Variants in TMTC2 observed in about 807,000 individuals in gnomAD.
The protein encoded by TMTC2 is protein O-mannosyl-transferase TMTC2.
In TMTC2, 43 loss-of-function variants were observed where a neutral mutation model predicts 82.4. The observed-to-expected ratio is 0.52, with a 90% CI of 0.41 to 0.67. The LOEUF (loss-of-function observed/expected upper bound fraction) is 0.67. TMTC2 is among the 30% of genes least tolerant of loss of function. TMTC2 has a pLI of 0.00. For missense variants in TMTC2, 919 were observed against 1,012.4 expected (o/e 0.91, Z 1.25); for synonymous variants, 408 against 381.9 (o/e 1.07, Z -0.80).
chr12:83,098,135 T>A (rs1192035949), intron 11 of TMTC2, among the ~76,000 whole-genome samples: 2 of 152,204 alleles, frequency 1.3e-5, no homozygotes, highest in Non-Finnish European at 2.9e-5. Flanking sequence ...TAGCTCATGC[T>A]GCAGAGGGGA....
chr12:82,881,571 C>G (rs1274532389), intron 2 of TMTC2, among the ~76,000 whole-genome samples: 1 of 152,114 alleles, frequency 6.6e-6, no homozygotes, highest in Non-Finnish European at 1.5e-5. Context: ...AGAATAGAAC[C>G]TGAATGAATT....
intron 8 of TMTC2, among the ~76,000 whole-genome samples, chr12:82,999,722 A>G (rs1879831140): frequency 6.6e-6 from 1 of 152,214 alleles, no homozygotes; most frequent in East Asian, 1.9e-4. Context: ...CAGCATGGGA[A>G]AGACCCACCA....
chr12:82,930,275 C>T (rs10506881), intron 3 of TMTC2, among the ~76,000 whole-genome samples, 156 bp from the exon 4 acceptor site: 117,941 of 152,070 alleles, frequency 0.78, 47,542 homozygotes, highest in East Asian at 1. Context: ...ATCTCCTGGC[C>T]TGATGAAATG....
Position 82,762,787 on chromosome 12 carries a change from A to G in TMTC2, c.83+75118A>G, listed in dbSNP as rs185936872. Among the ~76,000 whole-genome samples, 293 of 152,320 alleles carry G rather than the reference A, an allele frequency of 1.9e-3. 3 individuals carry two copies. Among genetic ancestry groups the G allele is most frequent in the African/African-American group, 6.2e-3 (258 of 41,572 alleles). ...GGATATCAATGTACTTTTTCTTATA[A>G]AAACAAATTAATGAATAGGAAAATA... is the stretch of plus-strand genomic sequence containing the variant. On this transcript the variant is annotated intron_variant, in intron 1 of 11. Transcript: ENST00000321196.
chr12:82,885,352 G>A (rs1873037738), intron 2 of TMTC2, among the ~76,000 whole-genome samples: 1 of 149,908 alleles, frequency 6.7e-6, no homozygotes, highest in African/African-American at 2.5e-5. Context: ...TCTTTTTTTA[G>A]TTTTTTTTTC....
At chr12:82,989,200 C>G (rs778696822) in intron 8 of TMTC2, among the ~76,000 whole-genome samples, 7 of 151,558 alleles carry the variant, frequency 4.6e-5, no homozygotes, top group Non-Finnish European at 8.8e-5. Context: ...ATGAAATCAT[C>G]TTATATGCAA....
intron 2 of TMTC2, among the ~76,000 whole-genome samples, chr12:82,881,982 TTTG>T (rs1414076529): frequency 6.6e-6 from 1 of 151,614 alleles, no homozygotes; most frequent in East Asian, 1.9e-4. Context: ...AGACTCAATT[TTTG>T]TTGTTAAGAT....
intron 1 of TMTC2, among the ~76,000 whole-genome samples, chr12:82,745,510 G>T (rs1465357786): frequency 6.6e-6 from 1 of 152,164 alleles, no homozygotes; most frequent in Non-Finnish European, 1.5e-5. Context: ...GTGTTGTGAT[G>T]TATGTTTAAC....
chr12:82,959,990 C>T (rs1242609435), intron 4 of TMTC2, among the ~76,000 whole-genome samples: 1 of 151,202 alleles, frequency 6.6e-6, no homozygotes, highest in East Asian at 1.9e-4. Context: ...AAGACAACAC[C>T]ATTAAAAACA....
rs535838591 is a variant in TMTC2 at position 83,051,195 on chromosome 12, G to A, written c.2267+177G>A. ...ATAGGCTATTCAAGCTTATCCAGCCGGTGGCCCACGGGCCACATGTGATCC... is the reference window on the plus strand; with the variant it reads ...ATAGGCTATTCAAGCTTATCCAGCCAGTGGCCCACGGGCCACATGTGATCC... On this transcript the variant is annotated intron_variant, in intron 10 of 11. Coordinates refer to ENST00000321196, the MANE Select transcript of TMTC2 (RefSeq NM_152588.3). Among the ~76,000 whole-genome samples the A allele has an allele frequency of 9.2e-5, 14 of 152,210 alleles. No homozygotes were observed. In the East Asian group the frequency reaches 1.5e-3, roughly 17 times the overall value.
At chr12:83,042,235 T>C (rs146591426) in intron 9 of TMTC2, among the ~76,000 whole-genome samples, 27 of 152,350 alleles carry the variant, frequency 1.8e-4, no homozygotes, top group African/African-American at 6.5e-4. Context: ...TTCTCATTAC[T>C]GCTCTAACTC....
chr12:82,978,355 A>T (rs1391619863), intron 7 of TMTC2, among the ~76,000 whole-genome samples: 5 of 151,710 alleles, frequency 3.3e-5, no homozygotes, highest in African/African-American at 1.2e-4. Context: ...TCATGTTGTA[A>T]ATGATAAAAC....
chr12:83,114,455 C>T (rs942280521), intron 11 of TMTC2, among the ~76,000 whole-genome samples: 7 of 152,164 alleles, frequency 4.6e-5, no homozygotes, highest in African/African-American at 1.7e-4. Flanking sequence ...AGTTTTGAAT[C>T]TCTGTTACAG....
At chr12:83,096,358 G>C (rs1441807155) in intron 11 of TMTC2, among the ~76,000 whole-genome samples, 1 of 152,134 alleles carries the variant, frequency 6.6e-6, no homozygotes, top group African/African-American at 2.4e-5. Flanking sequence ...TCACATTTCT[G>C]TTTGCTTTAT....
At chr12:82,764,838 T>C (rs1255545471) in intron 1 of TMTC2, among the ~76,000 whole-genome samples, 2 of 260 alleles carry the variant, frequency 7.7e-3, no homozygotes, top group African/African-American at 0.017. Flanking sequence ...TGAATCTGCA[T>C]TTTTTTTTTT....
At chr12:82,748,540 CATA>C (rs1251294702) in intron 1 of TMTC2, among the ~76,000 whole-genome samples, 2 of 152,078 alleles carry the variant, frequency 1.3e-5, no homozygotes, top group South Asian at 4.2e-4. Context: ...ATACCTGTCA[CATA>C]AGAGGTACTC....
chr12:83,062,022 G>A (rs1348675145), intron 11 of TMTC2, among the ~76,000 whole-genome samples, 191 bp downstream of exon 11: 4 of 151,364 alleles, frequency 2.6e-5, no homozygotes, highest in African/African-American at 7.3e-5. Context: ...AAAATCTGCC[G>A]GCCTCAAGCT....
At chr12:83,119,763 G>A (rs1884888877) in intron 11 of TMTC2, among the ~76,000 whole-genome samples, 2 of 152,182 alleles carry the variant, frequency 1.3e-5, no homozygotes, top group Admixed American at 6.5e-5. Flanking sequence ...CACTATTACT[G>A]TGTTACTGTC....
At chr12:83,027,091 G>A (rs570730277) in intron 8 of TMTC2, among the ~76,000 whole-genome samples, 9 of 151,992 alleles carry the variant, frequency 5.9e-5, no homozygotes, top group African/African-American at 1.2e-4. Context: ...AATACAGTCC[G>A]TTTTTCTTCG....
Sources: gnomAD v4.1 joint callset for allele counts (sites outside exome capture counted in the v4.1 genomes callset) on GRCh38, gnomAD v4.1.1 for gene constraint, MANE v1.5 for transcripts, NCBI Gene and HGNC (gene_info 2026-07-23, HGNC 2026-07-21) for gene names.